DHCR7: variants seen among roughly 807,000 people sequenced by gnomAD.
DHCR7 encodes the protein 7-DHC reductase.
Under a neutral mutation model 43.3 loss-of-function variants are expected in DHCR7, and 40 were observed. The ratio of observed to expected loss-of-function variants is 0.92; its 90% CI spans 0.72 to 1.20. The LOEUF (loss-of-function observed/expected upper bound fraction) is 1.20, where lower values mean the gene tolerates loss of function less well. DHCR7 is among the 50% of genes most tolerant of loss of function. DHCR7 has a pLI of 0.00. For missense variants in DHCR7, 608 were observed against 644.6 expected, an observed-to-expected ratio of 0.94 and a Z score of 0.62; for synonymous variants, 298 against 271.4, an observed-to-expected ratio of 1.10 and a Z score of -0.96.
At chr11:71,438,350 G>A (rs762592225) in intron 7 of DHCR7, among the ~76,000 whole-genome samples, 36 of 152,152 alleles carry the variant, frequency 2.4e-4, no homozygotes, top group African/African-American at 7.0e-4. Context: ...TGACGCTTCC[G>A]AATGCACCTG....
chr11:71,441,532 C>A, intron 5 of DHCR7, 92 bp from the exon 6 acceptor site: 1 of 1,109,328 alleles, frequency 9.0e-7, no homozygotes, highest in South Asian at 1.3e-5. Context: ...GGGCCCTGGT[C>A]ACTTTCTGGG....
At chr11:71,444,362 T>C (rs1386748987) in intron 3 of DHCR7, 147 bp from the exon 4 acceptor site, 3 of 697,976 alleles carry the variant, frequency 4.3e-6, no homozygotes, top group Non-Finnish European at 7.6e-6. Flanking sequence ...CGGGCCCTCC[T>C]TGCGGCCAGG....
In DHCR7 at chr11:71,444,022, G is replaced by C; in HGVS notation, c.292C>G (p.Gln98Glu). ...AAGGTGACCCACAAGGTATAGAGCTGGGCGGCTTTCCTCGTTATAGGTGGA... is the reference window on the plus strand; with the variant it reads ...AAGGTGACCCACAAGGTATAGAGCTCGGCGGCTTTCCTCGTTATAGGTGGA... ...KTPPITRKAAQLYTLWVTFQV... is the reference protein window; with the variant it reads ...KTPPITRKAAELYTLWVTFQV... Residue 98 changes from glutamine to glutamate, a missense_variant, in exon 4 of 9, where the codon CAG (glutamine) becomes GAG (glutamate). Gln to Glu is a conservative substitution (Grantham distance 29). Coordinates refer to ENST00000355527, the MANE Select transcript of DHCR7 (RefSeq NM_001360.3). 6.2e-7 allele frequency: 1 copy of C among 1,613,100 alleles called. No homozygotes were observed. The highest frequency in any genetic ancestry group is 8.5e-7 in the Non-Finnish European group (1 of 1,179,562).
At chr11:71,428,661 G>A (rs1201885451) in exon 3 of DHCR7, 2 of 346,326 alleles carry the variant, frequency 5.8e-6, no homozygotes, top group Non-Finnish European at 1.1e-5. Context: ...AGATCTTAGT[G>A]TATTCCAAGG....
chr11:71,427,887 C>A (rs1239373730), downstream of DHCR7, among the ~76,000 whole-genome samples: 1 of 152,124 alleles, frequency 6.6e-6, no homozygotes, highest in African/African-American at 2.4e-5. Context: ...CCAGCCTTTG[C>A]TTGGCATGTG....
chr11:71,437,485 C>A (rs1050629807), intron 8 of DHCR7, among the ~76,000 whole-genome samples: 1 of 152,126 alleles, frequency 6.6e-6, no homozygotes, highest in African/African-American at 2.4e-5. Context: ...CCAGGGCAGC[C>A]CTGCCCCAGT....
downstream of DHCR7, among the ~76,000 whole-genome samples, chr11:71,427,582 G>A (rs892512263): frequency 2.0e-5 from 3 of 152,058 alleles, no homozygotes; most frequent in Admixed American, 6.6e-5. Context: ...TAACTATTGT[G>A]GGGACGGTCA....
rs1949302285 is a variant in DHCR7, at chr11:71,437,846, T to G, written c.929A>C (p.Asp310Ala). The change falls in exon 8 of 9, where the codon GAC becomes GCC. Residue 310 changes from aspartate to alanine, a missense_variant. Transcript: ENST00000355527. Reference sequence around the variant, plus strand: ...GTAAAGATAAGGCAGCCAGACACAGTCGCCCCAGCCCAGGTACCACCCGAA... The same window carrying G: ...GTAAAGATAAGGCAGCCAGACACAGGCGCCCCAGCCCAGGTACCACCCGAA... ...DHFGWYLGWG[D>A]CVWLPYLYTL... 5 of 1,613,980 alleles carry G rather than the reference T, an allele frequency of 3.1e-6. No homozygotes were observed. Among genetic ancestry groups the G allele is most frequent in the Non-Finnish European group, 3.4e-6 (4 of 1,180,008 alleles).
At chr11:71,432,551 G>C (rs1375707984), downstream of DHCR7, among the ~76,000 whole-genome samples, 1 of 152,144 alleles carries the variant, frequency 6.6e-6, no homozygotes, top group East Asian at 1.9e-4. Context: ...ATTTTTGTGG[G>C]CATAGTGAGA....
chr11:71,427,440 T>C (rs1949205328), downstream of DHCR7, among the ~76,000 whole-genome samples: 1 of 152,226 alleles, frequency 6.6e-6, no homozygotes, highest in Non-Finnish European at 1.5e-5. Context: ...TATTGAAAAA[T>C]TGATATGTTT....
rs547012639 is a variant in DHCR7, at chr11:71,435,716, G to A, written c.1087C>T (p.Arg363Cys). The A allele has an allele frequency of 6.9e-5, 111 of 1,613,076 alleles. No individual in the cohort carries two copies. The highest frequency in any genetic ancestry group is 9.1e-5 in the Non-Finnish European group (107 of 1,179,842). ...CAGATGAGGCAGCGCCCATCCGTGC[G>A]GCGGAACAGGTCCTTCTGGTGGTTG... The part of the protein sequence containing the change: ...VANHQKDLFR[R>C]TDGRCLIWGR... Residue 363 changes from arginine (R) to cysteine (C), a missense_variant, in exon 9 of 9, where the codon CGC (arginine) becomes TGC (cysteine). Arg to Cys is a radical substitution (Grantham distance 180). Transcript: ENST00000355527.
Position 71,444,894 on chromosome 11 carries a change from T to C in DHCR7, c.59A>G (p.Asn20Ser), listed in dbSNP as rs1425357779. ...PKAKSLDGVT[N>S]DRTASQGQWG... ...CTGCCCTTGAGATGCGGTTCTGTCA[T>C]TGGTGACGCCATCTAGACTCTTGGC... Residue 20 changes from asparagine (N) to serine (S), a missense_variant, in exon 3 of 9, where the codon AAT becomes AGT. Transcript: ENST00000355527. The C allele has an allele frequency of 1.2e-6, 2 of 1,614,220 alleles. No individual in the cohort carries two copies. Among genetic ancestry groups the C allele is most frequent in the Non-Finnish European group, 8.5e-7 (1 of 1,180,034 alleles).
At chr11:71,446,619 TA>T (rs1476433936) in intron 2 of DHCR7, among the ~76,000 whole-genome samples, 1 of 152,210 alleles carries the variant, frequency 6.6e-6, no homozygotes, top group Non-Finnish European at 1.5e-5. Context: ...CACTGATTTT[TA>T]AAAAAATGTG....
intron 4 of DHCR7, among the ~76,000 whole-genome samples, chr11:71,442,573 A>G (rs1302430101): frequency 6.6e-6 from 1 of 152,146 alleles, no homozygotes; most frequent in Non-Finnish European, 1.5e-5. Flanking sequence ...CCAGGGCTCC[A>G]TTCGCCCCTC....
intron 2 of DHCR7, among the ~76,000 whole-genome samples, chr11:71,447,366 A>G (rs1029933673): frequency 6.6e-6 from 1 of 152,262 alleles, no homozygotes; most frequent in Non-Finnish European, 1.5e-5. Context: ...TACAGAGTTC[A>G]TTCACCCAGG....
intron 8 of DHCR7, among the ~76,000 whole-genome samples, chr11:71,437,234 T>C (rs1225355312): frequency 6.6e-6 from 1 of 152,214 alleles, no homozygotes; most frequent in Non-Finnish European, 1.5e-5. Flanking sequence ...GGGCACAGCC[T>C]CTTGGGGCAG....
intron 8 of DHCR7, 40 bp from the exon 9 acceptor site, chr11:71,435,879 C>A: frequency 6.4e-7 from 1 of 1,553,778 alleles, no homozygotes; most frequent in East Asian, 2.3e-5. Flanking sequence ...GTGCTTTGCC[C>A]AGGGAGAGGA....
At position 71,438,985 on chromosome 11, in the gene DHCR7, C is replaced by T. The variant is rs80338857; in HGVS notation, c.725G>A (p.Arg242His). 4.3e-5 allele frequency: 69 copies of T among 1,613,934 alleles called. No homozygotes were observed. Among genetic ancestry groups the T allele is most frequent in the Non-Finnish European group, 5.1e-5 (60 of 1,180,034 alleles). The change falls in exon 7 of 9, where the codon CGC becomes CAC. Residue 242 changes from arginine to histidine, a missense_variant. By Grantham distance (29) the Arg-to-His change is conservative. Transcript: ENST00000355527. Reference sequence around the variant, plus strand: ...GAGGGTCCAGGCGACGATCCCGGGGCGCCCATTGAAGAACAGCTTGAAGTC... The same window carrying T: ...GAGGGTCCAGGCGACGATCCCGGGGTGCCCATTGAAGAACAGCTTGAAGTC... ...WFDFKLFFNG[R>H]PGIVAWTLIN... is the part of the protein sequence containing the mutation.
At chr11:71,431,064 A>G (rs1949225660), downstream of DHCR7, among the ~76,000 whole-genome samples, 1 of 152,206 alleles carries the variant, frequency 6.6e-6, no homozygotes. Flanking sequence ...CTGAGGCAGG[A>G]GAATGGCTTG....
Sources: allele counts gnomAD v4.1 joint callset (sites outside exome capture counted in the v4.1 genomes callset), GRCh38; gene constraint gnomAD v4.1.1; transcripts MANE v1.5; gene names NCBI Gene and HGNC (gene_info 2026-07-23, HGNC 2026-07-21).